Variants in ABLIM2 observed in about 807,000 individuals in gnomAD.
ABLIM2 encodes the protein actin binding LIM protein family member 2.
ABLIM2 carries 53 observed loss-of-function variants against 97.7 expected under a neutral mutation model. The ratio of observed to expected loss-of-function variants is 0.54; its 90% CI spans 0.44 to 0.68. The LOEUF (loss-of-function observed/expected upper bound fraction) is 0.68. Among genes scored for constraint, ABLIM2 ranks in the 30% least tolerant of loss-of-function variants. The probability of loss-of-function intolerance (pLI) is 0.00; values close to 1 mark genes in which losing one functional copy is unlikely to be tolerated. For missense variants in ABLIM2, 835 were observed against 867.2 expected (o/e 0.96, Z 0.47); for synonymous variants, 361 against 345.8 (o/e 1.04, Z -0.49).
Position 7,983,284 on chromosome 4 carries a change from C to G in ABLIM2, c.1804G>C (p.Val602Leu). ...NRIRVKLPKDVDRTRLERHLS... is the reference protein window; with the variant it reads ...NRIRVKLPKDLDRTRLERHLS... ...CTTACCTCCAGTCTCGTCCGGTCCA[C>G]GTCTTTGGGCAGTTTCACGCGAATT... The change falls in exon 20 of 21, where the codon GTG becomes CTG. Residue 602 changes from valine (V) to leucine (L), a missense_variant. Val to Leu is a conservative substitution (Grantham distance 32). Transcript: ENST00000447017. The G allele has an allele frequency of 1.2e-6, 2 of 1,611,982 alleles. No homozygotes were observed. Among genetic ancestry groups the G allele is most frequent in the Non-Finnish European group, 1.7e-6 (2 of 1,179,328 alleles).
intron 18 of ABLIM2, among the ~76,000 whole-genome samples, chr4:7,984,264 A>C (rs918062584): frequency 2.6e-5 from 4 of 152,138 alleles, no homozygotes; most frequent in African/African-American, 9.7e-5. Context: ...GGCCACTTAG[A>C]GGGAGCAGGC....
intron 1 of ABLIM2, among the ~76,000 whole-genome samples, chr4:8,136,402 G>A (rs929100632): frequency 6.6e-6 from 1 of 152,210 alleles, no homozygotes; most frequent in African/African-American, 2.4e-5. Context: ...AGTGCCACAG[G>A]ATGGCACACT....
Position 8,019,133 on chromosome 4 carries a change from G to A in ABLIM2, c.1423+485C>T, listed in dbSNP as rs777443635. 7.2e-5 allele frequency among the ~76,000 whole-genome samples: 11 copies of A among 152,290 alleles called. No individual in the cohort carries two copies. Among genetic ancestry groups the A allele is most frequent in the Admixed American group, 1.3e-4 (2 of 15,300 alleles). On this transcript the variant is annotated intron_variant, in intron 14 of 20. Coordinates refer to ENST00000447017, the MANE Select transcript of ABLIM2 (RefSeq NM_001130083.2). The surrounding 1 kb of genome is among the most constrained non-coding windows in gnomAD (Gnocchi z 4.3). ...TGCTTATGCAAGAAATCTCCGTAAC[G>A]GAAGGCAAGGTCACCCATCCCATCA...
intron 6 of ABLIM2, among the ~76,000 whole-genome samples, chr4:8,063,072 C>T (rs6857781): frequency 0.47 from 71,088 of 152,004 alleles, 17,474 homozygotes; most frequent in East Asian, 0.88. Context: ...GCTGGGACAG[C>T]TTCTTTTTTT....
At position 8,023,636 on chromosome 4, in the gene ABLIM2, A is replaced by G. The variant is rs914987715; in HGVS notation, c.1268-3333T>C. Among the ~76,000 whole-genome samples the G allele has an allele frequency of 3.3e-5, 5 of 151,898 alleles. No homozygotes were observed. Among genetic ancestry groups the G allele is most frequent in the African/African-American group, 1.2e-4 (5 of 41,336 alleles). On this transcript the variant is annotated intron_variant, in intron 12 of 20. Coordinates refer to ENST00000447017, the MANE Select transcript of ABLIM2 (RefSeq NM_001130083.2). This position sits in a 1 kb window ranked among gnomAD's most constrained non-coding sequence, Gnocchi z 5.7. ...CACATGGCGCTCTCGGGAAGGAGCC[A>G]CTCTGTGTAGCCCACACTTGTCCAC...
intron 1 of ABLIM2, among the ~76,000 whole-genome samples, chr4:8,108,486 T>A (rs1838582194): frequency 6.6e-6 from 1 of 152,204 alleles, no homozygotes; most frequent in Non-Finnish European, 1.5e-5. Context: ...GCCAGCTGCA[T>A]GGCAGACTCG....
chr4:8,089,831 A>G (rs1355989128), intron 3 of ABLIM2, among the ~76,000 whole-genome samples: 1 of 151,858 alleles, frequency 6.6e-6, no homozygotes, highest in African/African-American at 2.4e-5. Context: ...TGTTGAATGA[A>G]TGAATGGGTG....
rs1463805802 is a variant in ABLIM2 at position 8,128,146 on chromosome 4, G to GC, written c.11-21510dup. Among the ~76,000 whole-genome samples the GC allele has an allele frequency of 6.6e-6, 1 of 152,164 alleles. No individual in the cohort carries two copies. The highest frequency in any genetic ancestry group is 1.5e-5 in the Non-Finnish European group (1 of 68,022). On this transcript the variant is annotated intron_variant, in intron 1 of 20. Coordinates refer to ENST00000447017, the MANE Select transcript of ABLIM2 (RefSeq NM_001130083.2). This position sits in a 1 kb window ranked among gnomAD's most constrained non-coding sequence, Gnocchi z 4.9. ...GCGCCCTTTGGTATGTGGCTTCAGG[G>GC]CTCCTGTTTCTGCCCCCACCTTCAC...
chr4:8,039,445 C>T (rs535388807), intron 9 of ABLIM2, among the ~76,000 whole-genome samples: 1 of 152,270 alleles, frequency 6.6e-6, no homozygotes, highest in East Asian at 1.9e-4. Flanking sequence ...ACCCCTCAGA[C>T]AGGTTGCTAA....
chr4:8,092,350 C>T (rs1431777396), intron 3 of ABLIM2, among the ~76,000 whole-genome samples: 5 of 151,994 alleles, frequency 3.3e-5, no homozygotes, highest in Non-Finnish European at 7.4e-5. Flanking sequence ...TCTCAGGACC[C>T]CAAACTCACT....
At chr4:8,031,177 G>A (rs1395998186) in intron 10 of ABLIM2, among the ~76,000 whole-genome samples, 6 of 152,224 alleles carry the variant, frequency 3.9e-5, no homozygotes, top group Non-Finnish European at 8.8e-5. Context: ...GAGGTCCTGT[G>A]ACCACCTCTG....
rs145181063 is a variant in ABLIM2 at position 8,085,288 on chromosome 4, G to A, written c.454+2881C>T. 3.4e-3 allele frequency among the ~76,000 whole-genome samples: 522 copies of A among 152,222 alleles called. 3 individuals are homozygous for A. The highest frequency in any genetic ancestry group is 0.012 in the African/African-American group (481 of 41,560). On this transcript the variant is annotated intron_variant, in intron 4 of 20. Coordinates refer to ENST00000447017, the MANE Select transcript of ABLIM2 (RefSeq NM_001130083.2). The surrounding 1 kb of genome is among the most constrained non-coding windows in gnomAD (Gnocchi z 6.1). ...GGCCCAGCAAGCTGGCCAGGCAGAC[G>A]GTGCTGCTTCCTACATTCTGGACTG...
intron 14 of ABLIM2, chr4:8,010,677 A>T: frequency 2.5e-6 from 2 of 805,672 alleles, no homozygotes; most frequent in Non-Finnish European, 3.0e-6. Context: ...GCGTGAAAAT[A>T]CAAAGCCCTG....
rs183894308 is a variant in ABLIM2 at position 8,069,617 on chromosome 4, G to A, written c.675+8011C>T. 1.1e-4 allele frequency among the ~76,000 whole-genome samples: 17 copies of A among 152,242 alleles called. No individual in the cohort carries two copies. Among genetic ancestry groups the A allele is most frequent in the East Asian group, 3.9e-4 (2 of 5,186 alleles). On this transcript the variant is annotated intron_variant, in intron 6 of 20. Transcript: ENST00000447017. This position sits in a 1 kb window ranked among gnomAD's most constrained non-coding sequence, Gnocchi z 4.2. ...CTGGTGTCTGTGTGGATGTCTTTCC[G>A]TGTGTCTGTGTGTGCATCGTGTGTG...
chr4:8,045,224 T>A lies in ABLIM2; in HGVS notation c.840A>T (p.Ser280=), dbSNP rs368855414. 1.9e-6 allele frequency: 3 copies of A among 1,613,838 alleles called. No homozygotes were observed. In the African/African-American group the frequency reaches 4.0e-5, roughly 22 times the overall value. ...EDRNKETRTS[S]ESIISVPASS... Reference sequence around the variant, plus strand: ...AAGCAGGGACAGAAATGATGCTCTCTGAGGAAGTTCTGGTTTCCTGAGAAA... The same window carrying A: ...AAGCAGGGACAGAAATGATGCTCTCAGAGGAAGTTCTGGTTTCCTGAGAAA... The change falls in exon 9 of 21, where the codon TCA becomes TCT. Residue 280 remains serine (S), a synonymous_variant. Coordinates refer to ENST00000447017, the MANE Select transcript of ABLIM2 (RefSeq NM_001130083.2).
Position 8,106,634 on chromosome 4 carries a change from G to A in ABLIM2, c.14C>T (p.Ser5Leu), listed in dbSNP as rs527344521. 38 of 1,605,996 alleles carry A rather than the reference G, an allele frequency of 2.4e-5. No homozygotes were observed. The highest frequency in any genetic ancestry group is 6.7e-5 in the Admixed American group (4 of 59,404). Reference protein sequence around the residue: MSAVSQPQAAPSPLE... With the variant: MSAVLQPQAAPSPLE... Reference sequence around the variant, plus strand: ...CGGGCTGGGAGCAGCCTGGGGCTGCGACACTGTTGGGAAAGAGAGAAGAGC... The same window carrying A: ...CGGGCTGGGAGCAGCCTGGGGCTGCAACACTGTTGGGAAAGAGAGAAGAGC... Residue 5 changes from serine (S) to leucine (L), a missense_variant, in exon 2 of 21, where the codon TCG becomes TTG. By Grantham distance (145) the Ser-to-Leu change is moderately radical. Transcript: ENST00000447017.
intron 1 of ABLIM2, among the ~76,000 whole-genome samples, chr4:8,141,605 T>C (rs1435518120): frequency 6.6e-6 from 1 of 152,220 alleles, no homozygotes; most frequent in Non-Finnish European, 1.5e-5. Context: ...TAGTCTCAAA[T>C]TCCTGACCTC....
intron 12 of ABLIM2, among the ~76,000 whole-genome samples, chr4:8,025,077 G>A (rs1776439120): frequency 2.6e-5 from 4 of 152,264 alleles, no homozygotes; most frequent in Admixed American, 6.5e-5. Context: ...CCACAGGTGC[G>A]CCACCACACC....
At position 8,150,417 on chromosome 4, in the gene ABLIM2, G is replaced by C. The variant is rs1712245004; in HGVS notation, c.10+8263C>G. Among the ~76,000 whole-genome samples the C allele has an allele frequency of 6.6e-6, 1 of 152,190 alleles. No individual in the cohort carries two copies. The highest frequency in any genetic ancestry group is 1.5e-5 in the Non-Finnish European group (1 of 68,014). ...ACCTGAGTGGCTTTCAGGGGAGCCA[G>C]TACAAGGCCCCATCGTGCCCTGAGG... On this transcript the variant is annotated intron_variant, in intron 1 of 20. Transcript: ENST00000447017. The surrounding 1 kb of genome is among the most constrained non-coding windows in gnomAD (Gnocchi z 6.3).
Sources: allele counts gnomAD v4.1 joint callset (sites outside exome capture counted in the v4.1 genomes callset), GRCh38; gene constraint gnomAD v4.1.1; non-coding constraint Gnocchi (gnomAD v3.1); transcripts MANE v1.5; gene names NCBI Gene and HGNC (gene_info 2026-07-23, HGNC 2026-07-21).